The following PXDN variants were observed in gnomAD, a reference collection of about 807,000 sequenced individuals.
The protein encoded by PXDN is peroxidasin homolog.
In PXDN, 77 loss-of-function variants were observed where a neutral mutation model predicts 140.3. The observed-to-expected ratio is 0.55, with a 90% CI of 0.46 to 0.66. PXDN has a LOEUF of 0.66. Ranked by LOEUF, PXDN falls within the 30% of genes least tolerant of loss-of-function variation. The pLI, the probability that PXDN is intolerant of heterozygous loss-of-function variation, is 0.00. For missense variants in PXDN, 1,838 were observed against 2,039.5 expected (o/e 0.90, Z 1.90); for synonymous variants, 911 against 857.4 (o/e 1.06, Z -1.09).
At chr2:1,712,037 G>T (rs985195565) in intron 1 of PXDN, among the ~76,000 whole-genome samples, 3 of 152,046 alleles carry the variant, frequency 2.0e-5, no homozygotes, top group African/African-American at 7.2e-5. Context: ...TCTTGTCAAT[G>T]AAAATGTTGA....
At chr2:1,706,671 C>G (rs1235141601) in intron 1 of PXDN, among the ~76,000 whole-genome samples, 1 of 77,660 alleles carries the variant, frequency 1.3e-5, no homozygotes, top group Non-Finnish European at 2.4e-5. Flanking sequence ...CCAATCAGCT[C>G]TAAGCATCGC....
chr2:1,653,941 C>A, intron 15 of PXDN, 156 bp from the exon 16 acceptor site: 8 of 877,194 alleles, frequency 9.1e-6, no homozygotes, highest in East Asian at 2.8e-5. Context: ...TGGGAGGCAA[C>A]AAAACAAAAA....
At chr2:1,711,088 CCA>C (rs1345261963) in intron 1 of PXDN, among the ~76,000 whole-genome samples, 1 of 64,244 alleles carries the variant, frequency 1.6e-5, no homozygotes, top group African/African-American at 6.3e-5. Context: ...CCACCAGCAC[CCA>C]CTCTCCACTA....
chr2:1,712,898 G>C (rs1172182803), intron 1 of PXDN, among the ~76,000 whole-genome samples: 2 of 152,084 alleles, frequency 1.3e-5, no homozygotes, highest in Non-Finnish European at 2.9e-5. Flanking sequence ...CTGATTTTTT[G>C]TATTTTTAGT....
At chr2:1,726,976 T>G (rs964447759) in intron 1 of PXDN, among the ~76,000 whole-genome samples, 2 of 152,204 alleles carry the variant, frequency 1.3e-5, no homozygotes, top group Non-Finnish European at 2.9e-5. Flanking sequence ...ACGGATCATG[T>G]CCTGGACCCC....
intron 6 of PXDN, among the ~76,000 whole-genome samples, chr2:1,681,549 C>T (rs1168333579): frequency 6.6e-6 from 1 of 151,646 alleles, no homozygotes; most frequent in South Asian, 2.1e-4. Flanking sequence ...CTCTAGGGGC[C>T]GACGCTGGCT....
intron 1 of PXDN, among the ~76,000 whole-genome samples, chr2:1,713,550 G>A (rs550587504): frequency 3.3e-5 from 5 of 152,306 alleles, no homozygotes; most frequent in East Asian, 3.9e-4. Context: ...CCTGGGGGCC[G>A]CCTCTCCCCA....
At chr2:1,742,613 G>A (rs1685571204) in intron 1 of PXDN, among the ~76,000 whole-genome samples, 2 of 152,318 alleles carry the variant, frequency 1.3e-5, no homozygotes, top group South Asian at 2.1e-4. Context: ...CTGACCAGAT[G>A]GGAAAAATCT....
At chr2:1,716,440 GAAAAAAAA>G (rs550784477) in intron 1 of PXDN, among the ~76,000 whole-genome samples, 4,036 of 58,022 alleles carry the variant, frequency 0.07, 159 homozygotes, top group East Asian at 0.34. Context: ...TCCATCTCAG[GAAAAAAAA>G]AAAAAAAAAA....
intron 3 of PXDN, among the ~76,000 whole-genome samples, chr2:1,689,943 T>C (rs1684149233): frequency 6.6e-6 from 1 of 152,226 alleles, no homozygotes; most frequent in Admixed American, 6.5e-5. Context: ...TAGAAGTAAT[T>C]GGAGTTCCAA....
chr2:1,697,620 GA>G (rs988607572), intron 1 of PXDN, among the ~76,000 whole-genome samples: 7 of 135,030 alleles, frequency 5.2e-5, no homozygotes, highest in African/African-American at 1.6e-4. Flanking sequence ...AACGGGGGGG[GA>G]AAAACTTCCC....
intron 17 of PXDN, among the ~76,000 whole-genome samples, 174 bp downstream of exon 17, chr2:1,647,998 G>A (rs1193196394): frequency 6.6e-6 from 1 of 151,914 alleles, no homozygotes; most frequent in East Asian, 1.9e-4. Flanking sequence ...CCACAACCAC[G>A]CAGCCACGGG....
chr2:1,744,169 G>T, intron 1 of PXDN, 87 bp downstream of exon 1: 1 of 689,346 alleles, frequency 1.5e-6, no homozygotes, highest in Non-Finnish European at 1.9e-6. Flanking sequence ...TCCACCCTCC[G>T]CGCCCCCCAC....
At chr2:1,678,266 G>C (rs1488190702) in intron 7 of PXDN, among the ~76,000 whole-genome samples, 4 of 152,148 alleles carry the variant, frequency 2.6e-5, no homozygotes, top group Non-Finnish European at 5.9e-5. Context: ...CTGCCAGAAA[G>C]CTCCTTCTAG....
chr2:1,658,504 C>A (rs1292740787), intron 14 of PXDN, among the ~76,000 whole-genome samples: 4 of 152,000 alleles, frequency 2.6e-5, no homozygotes, highest in Admixed American at 2.0e-4. Flanking sequence ...GCCCCGCAGA[C>A]CCCAGCTGTG....
intron 2 of PXDN, 46 bp from the exon 3 acceptor site, chr2:1,692,045 A>C (rs1449714022): frequency 1.5e-6 from 2 of 1,343,024 alleles, no homozygotes; most frequent in African/African-American, 1.5e-5. Context: ...ACAGAAAACA[A>C]ACTTCGAAGT....
rs762930198 is a variant in PXDN at position 1,663,702 on chromosome 2, A to G, written c.1470T>C (p.Ser490=). ...LVLSSGTLRI[S]GVALHDQGQY... ...GGCCCTGGTCGTGGAGGGCAACACC[A>G]GAGATTCTAAGTGTTCCCGATGACA... Residue 490 remains serine, a synonymous_variant, in exon 12 of 23, where the codon TCT becomes TCC. Transcript: ENST00000252804. The G allele has an allele frequency of 1.9e-5, 31 of 1,613,608 alleles. No individual in the cohort carries two copies. The highest frequency in any genetic ancestry group is 2.6e-5 in the Non-Finnish European group (31 of 1,179,764).
intron 1 of PXDN, among the ~76,000 whole-genome samples, chr2:1,735,709 A>C (rs1685412887): frequency 6.6e-6 from 1 of 152,196 alleles, no homozygotes; most frequent in South Asian, 2.1e-4. Flanking sequence ...TTAAGACCCT[A>C]GGGTTGGGGA....
chr2:1,657,051 C>T (rs2125418030), intron 14 of PXDN, among the ~76,000 whole-genome samples: 1 of 151,276 alleles, frequency 6.6e-6, no homozygotes, highest in Admixed American at 6.6e-5. Flanking sequence ...CTGACCTTGC[C>T]CCTCCTGAAT....
Sources: gnomAD v4.1 joint callset for allele counts (sites outside exome capture counted in the v4.1 genomes callset) on GRCh38, gnomAD v4.1.1 for gene constraint, MANE v1.5 for transcripts, NCBI Gene and HGNC (gene_info 2026-07-23, HGNC 2026-07-21) for gene names.